ZFAT: variants seen among roughly 807,000 people sequenced by gnomAD.
The protein encoded by ZFAT is zinc finger and AT-hook domain containing, also known as zinc finger protein ZFAT.
Under a neutral mutation model 117.7 loss-of-function variants are expected in ZFAT, and 64 were observed. The ratio of observed to expected loss-of-function variants is 0.54; its 90% CI spans 0.44 to 0.67. The LOEUF is 0.67. Ranked by LOEUF, ZFAT falls within the 30% of genes least tolerant of loss-of-function variation. ZFAT has a pLI of 0.00. For synonymous variants in ZFAT, 679 were observed against 615.0 expected, an observed-to-expected ratio of 1.10 and a Z score of -1.54; for missense variants, 1,433 against 1,584.5, an observed-to-expected ratio of 0.90 and a Z score of 1.62.
chr8:134,741,412 G>A, the ZFAT span, among the ~76,000 whole-genome samples: 1 of 152,084 alleles, frequency 6.6e-6, no homozygotes, highest in Non-Finnish European at 1.5e-5. Context: ...GCAGCGTTGG[G>A]TTCTTACTGG....
At chr8:134,626,912 C>T (rs558721923) in intron 3 of ZFAT, among the ~76,000 whole-genome samples, 50 of 152,316 alleles carry the variant, frequency 3.3e-4, no homozygotes, top group South Asian at 1.0e-3. Flanking sequence ...AGATGTTTGC[C>T]GGGACTGCCT....
chr8:134,589,364 ATTTC>A (rs1826284286), intron 8 of ZFAT, among the ~76,000 whole-genome samples: 1 of 152,212 alleles, frequency 6.6e-6, no homozygotes, highest in Admixed American at 6.5e-5. Flanking sequence ...CCCTTCTATT[ATTTC>A]TTTATCTTCC....
intron 1 of ZFAT, among the ~76,000 whole-genome samples, chr8:134,686,378 G>T (rs1356334227): frequency 6.6e-6 from 1 of 152,184 alleles, no homozygotes; most frequent in Non-Finnish European, 1.5e-5. Flanking sequence ...GACTTCTGGG[G>T]TGCAGGGGAG....
intron 13 of ZFAT, among the ~76,000 whole-genome samples, chr8:134,514,661 T>C (rs1820115496): frequency 6.6e-6 from 1 of 152,142 alleles, no homozygotes; most frequent in African/African-American, 2.4e-5. Flanking sequence ...TGACAGAGGA[T>C]TCAAAGTTAA....
chr8:134,805,284 C>T, the ZFAT span, among the ~76,000 whole-genome samples: 1 of 152,034 alleles, frequency 6.6e-6, no homozygotes, highest in Non-Finnish European at 1.5e-5. Flanking sequence ...ATAGTAAACA[C>T]ATTAGAATGA....
intron 1 of ZFAT, among the ~76,000 whole-genome samples, chr8:134,696,050 A>C (rs1364944319): frequency 6.6e-6 from 1 of 151,636 alleles, no homozygotes; most frequent in African/African-American, 2.4e-5. Flanking sequence ...CACCATCCCC[A>C]GGCCCTGCCT....
intron 1 of ZFAT, among the ~76,000 whole-genome samples, chr8:134,686,174 A>G (rs1401972526): frequency 6.6e-6 from 1 of 152,140 alleles, no homozygotes; most frequent in African/African-American, 2.4e-5. Context: ...CCAATTCTCA[A>G]CCTGAGTAAG....
At chr8:134,741,748 A>T in the ZFAT span, among the ~76,000 whole-genome samples, 1 of 151,862 alleles carries the variant, frequency 6.6e-6, no homozygotes, top group Non-Finnish European at 1.5e-5. Context: ...TGTCACTGAC[A>T]CCCAAAAAGG....
the ZFAT span, among the ~76,000 whole-genome samples, chr8:134,759,912 A>G: frequency 7.0e-6 from 1 of 142,412 alleles, no homozygotes. Context: ...TGGAGGTTGC[A>G]GTGAGCCAAG....
intron 1 of ZFAT, among the ~76,000 whole-genome samples, chr8:134,687,617 C>A (rs918629327): frequency 6.6e-6 from 1 of 152,036 alleles, no homozygotes; most frequent in Non-Finnish European, 1.5e-5. Context: ...GGTACAGGAA[C>A]ACCCCCTGTC....
At chr8:134,724,803 A>G in the ZFAT span, among the ~76,000 whole-genome samples, 2,927 of 152,202 alleles carry the variant, frequency 0.019, 80 homozygotes, top group African/African-American at 0.065. Flanking sequence ...CCTTCCCCTT[A>G]CAGAGTCAAG....
At chr8:134,760,498 G>C in the ZFAT span, among the ~76,000 whole-genome samples, 1 of 152,130 alleles carries the variant, frequency 6.6e-6, no homozygotes, top group Admixed American at 6.5e-5. Flanking sequence ...AATCACTCAG[G>C]AATCACCCAG....
chr8:134,637,135 A>C (rs1275427347), intron 3 of ZFAT, among the ~76,000 whole-genome samples: 1 of 152,250 alleles, frequency 6.6e-6, no homozygotes, highest in Non-Finnish European at 1.5e-5. Flanking sequence ...GATTAACATG[A>C]TGCATTTAAA....
At chr8:134,719,710 TG>T in the ZFAT span, among the ~76,000 whole-genome samples, 17 of 152,196 alleles carry the variant, frequency 1.1e-4, no homozygotes, top group South Asian at 3.5e-3. Context: ...CAAGGGAGTT[TG>T]CAGCACAGAA....
intron 11 of ZFAT, among the ~76,000 whole-genome samples, chr8:134,550,308 C>CG (rs1554643671): frequency 2.8e-4 from 9 of 31,882 alleles, no homozygotes; most frequent in African/African-American, 8.2e-4. Flanking sequence ...TTGGTCACAA[C>CG]GGAAAAAAAA....
chr8:134,538,796 C>CAAAAA (rs35209102), intron 11 of ZFAT, among the ~76,000 whole-genome samples: 3 of 105,098 alleles, frequency 2.9e-5, no homozygotes, highest in Non-Finnish European at 4.0e-5. Context: ...GACCCTGTCA[C>CAAAAA]AAAAAAAAAA....
rs1267589679 is a variant in ZFAT, at chr8:134,512,515, C to T, written c.3321G>A (p.Ala1107=). The T allele has an allele frequency of 7.4e-6, 12 of 1,613,944 alleles. No individual in the cohort carries two copies. Among genetic ancestry groups the T allele is most frequent in the Admixed American group, 3.3e-5 (2 of 60,014 alleles). The change falls in exon 14 of 16, where the codon GCG becomes GCA. Residue 1107 remains alanine (A), a synonymous_variant. Coordinates refer to ENST00000377838, the MANE Select transcript of ZFAT (RefSeq NM_020863.4). ...AEEDVQGTQA[A]VAALQDLRYT... is the part of the protein sequence containing the mutation. Reference sequence around the variant, plus strand: ...ATCTCAGGTCCTGGAGCGCGGCCACCGCTGCCTGTGTCCCTTGAACGTCTT... The same window carrying T: ...ATCTCAGGTCCTGGAGCGCGGCCACTGCTGCCTGTGTCCCTTGAACGTCTT...
At chr8:134,645,188 T>C (rs1010007342) in intron 2 of ZFAT, among the ~76,000 whole-genome samples, 3 of 152,248 alleles carry the variant, frequency 2.0e-5, no homozygotes, top group Admixed American at 6.5e-5. Flanking sequence ...CTTCACGTTA[T>C]AACGAGAGAC....
Position 134,509,733 on chromosome 8 carries a change from G to A in ZFAT, c.3378C>T (p.Pro1126=), listed in dbSNP as rs776838360. 4 of 1,608,934 alleles carry A rather than the reference G, an allele frequency of 2.5e-6. No individual in the cohort carries two copies. The highest frequency in any genetic ancestry group is 2.2e-5 in the South Asian group (2 of 90,842). ...YTSESGDRLD[P]TAVNILQQII... ...TCTGCTGCAGGATGTTCACGGCCGT[G>A]GGGTCCAGTCGGTCGCCTTAAGAGG... Residue 1126 remains proline (P), a synonymous_variant, in exon 15 of 16, where the codon CCC becomes CCT. Coordinates refer to ENST00000377838, the MANE Select transcript of ZFAT (RefSeq NM_020863.4).
Sources: gnomAD v4.1 joint callset for allele counts (sites outside exome capture counted in the v4.1 genomes callset) on GRCh38, gnomAD v4.1.1 for gene constraint, MANE v1.5 for transcripts, NCBI Gene and HGNC (gene_info 2026-07-23, HGNC 2026-07-21) for gene names.